SSU72: variants seen among roughly 807,000 people sequenced by gnomAD.
SSU72 encodes SSU72 homolog, RNA polymerase II CTD phosphatase.
In SSU72, 12 loss-of-function variants were observed where a neutral mutation model predicts 22.7. The observed-to-expected ratio is 0.53, with a 90% CI of 0.34 to 0.86. The LOEUF (loss-of-function observed/expected upper bound fraction) is 0.86. Ranked by LOEUF, SSU72 falls within the 40% of genes least tolerant of loss-of-function variation. The pLI is 0.02. For missense variants in SSU72, 151 were observed against 249.8 expected, an observed-to-expected ratio of 0.60 and a Z score of 2.67; for synonymous variants, 116 against 98.3, an observed-to-expected ratio of 1.18 and a Z score of -1.06.
chr1:1,554,529 G>A lies in SSU72; in HGVS notation c.225-9527C>T, dbSNP rs542404771. Among the ~76,000 whole-genome samples, 1 of 152,148 alleles carries A rather than the reference G, an allele frequency of 6.6e-6. No individual in the cohort carries two copies. The highest frequency in any genetic ancestry group is 2.4e-5 in the African/African-American group (1 of 41,416). ...ACACAGCTCGGTTTTCCTTACCAAG[G>A]TTTTCTCTTTTCACTCCCTAGGGGC... On this transcript the variant is annotated intron_variant, in intron 2 of 4. Coordinates refer to ENST00000291386, the MANE Select transcript of SSU72 (RefSeq NM_014188.3). This position sits in a 1 kb window ranked among gnomAD's most constrained non-coding sequence, Gnocchi z 4.1.
intron 4 of SSU72, among the ~76,000 whole-genome samples, chr1:1,543,358 G>A (rs1036364919): frequency 5.9e-5 from 9 of 152,236 alleles, no homozygotes; most frequent in Non-Finnish European, 8.8e-5. Flanking sequence ...GGCTGTGTCC[G>A]CCACGGGGAA....
At chr1:1,555,549 G>A (rs1439766770) in intron 2 of SSU72, among the ~76,000 whole-genome samples, 1 of 152,214 alleles carries the variant, frequency 6.6e-6, no homozygotes. Flanking sequence ...AGCGTGGACG[G>A]CAGCTCCGTA....
Position 1,542,319 on chromosome 1 carries a change from G to GCTGT in SSU72, c.484-153_484-152insACAG, listed in dbSNP as rs1642332180. 1.4e-6 allele frequency: 1 copy of GCTGT among 719,318 alleles called. No homozygotes were observed. Among genetic ancestry groups the GCTGT allele is most frequent in the Admixed American group, 2.5e-5 (1 of 39,488 alleles). 44.6% of individuals were successfully genotyped at this position (719,318 alleles called of 1,614,324 possible). A position where few individuals can be genotyped will look rare whatever the true frequency, so the allele number is the denominator to read the frequency against. On this transcript the variant is annotated intron_variant, in intron 4 of 4. Transcript: ENST00000291386. The surrounding 1 kb of genome is among the most constrained non-coding windows in gnomAD (Gnocchi z 4.4). The stretch of plus-strand genomic sequence containing the variant: ...CCCACCGCTGCTGCCTCACAAGGAC[G>GCTGT]GCCGGAGGCTGCAGGGGGAGAGCGT...
At chr1:1,564,714 G>C in intron 2 of SSU72, 59 bp downstream of exon 2, 1 of 1,614,220 alleles carries the variant, frequency 6.2e-7, no homozygotes, top group Non-Finnish European at 8.5e-7. Flanking sequence ...CGAGCCACAC[G>C]TAACACCTTC....
Position 1,542,877 on chromosome 1 carries a change from G to A in SSU72, c.484-710C>T, listed in dbSNP as rs1318707047. On this transcript the variant is annotated intron_variant, in intron 4 of 4. Transcript: ENST00000291386. The surrounding 1 kb of genome is among the most constrained non-coding windows in gnomAD (Gnocchi z 4.4). ...GCAGCCACACTGGACCGTGAGGCAC[G>A]TGGGGACCAGAAGCCATGCTGGGTG... Among the ~76,000 whole-genome samples, 2 of 152,228 alleles carry A rather than the reference G, an allele frequency of 1.3e-5. No homozygotes were observed. Among genetic ancestry groups the A allele is most frequent in the African/African-American group, 4.8e-5 (2 of 41,460 alleles).
At chr1:1,572,289 G>A (rs1238479287) in intron 1 of SSU72, among the ~76,000 whole-genome samples, 1 of 141,226 alleles carries the variant, frequency 7.1e-6, no homozygotes, top group African/African-American at 2.6e-5. Flanking sequence ...TTAGCCGGGC[G>A]TGGTGGCGGG....
At position 1,574,583 on chromosome 1, in the gene SSU72, C is replaced by T. The variant is rs1243958974; in HGVS notation, c.-26G>A. On this transcript the variant is annotated 5_prime_UTR_variant, in exon 1 of 5. Transcript: ENST00000291386. ...GGCGGCGGCCGCAAATCCCGCGGCT[C>T]TCCCGCTTGGGTTCCCACCCTACCG... 1.1e-5 allele frequency: 17 copies of T among 1,576,900 alleles called. No homozygotes were observed. The highest frequency in any genetic ancestry group is 1.5e-5 in the Non-Finnish European group (17 of 1,164,888).
intron 2 of SSU72, 81 bp downstream of exon 2, chr1:1,564,692 G>A (rs1557504389): frequency 7.4e-6 from 12 of 1,614,090 alleles, no homozygotes; most frequent in East Asian, 4.5e-5. Flanking sequence ...AGGGTGACAC[G>A]CCTCCTGTGC....
intron 2 of SSU72, among the ~76,000 whole-genome samples, chr1:1,559,541 C>T (rs892809972): frequency 2.0e-5 from 3 of 152,186 alleles, no homozygotes; most frequent in African/African-American, 7.2e-5. Flanking sequence ...CTACAAAGGT[C>T]AGGGGAGCTT....
intron 2 of SSU72, among the ~76,000 whole-genome samples, chr1:1,549,007 A>G (rs1424816630): frequency 6.6e-6 from 1 of 152,070 alleles, no homozygotes; most frequent in Non-Finnish European, 1.5e-5. Flanking sequence ...GGGCTGTGAC[A>G]CATACCTGTG....
chr1:1,551,175 A>C (rs1642451560), intron 2 of SSU72, among the ~76,000 whole-genome samples: 1 of 152,230 alleles, frequency 6.6e-6, no homozygotes, highest in African/African-American at 2.4e-5. Context: ...GGCAGAAACA[A>C]GGCTGCAGTC....
chr1:1,564,526 T>C, intron 2 of SSU72: 1 of 1,537,354 alleles, frequency 6.5e-7, no homozygotes, highest in Non-Finnish European at 8.8e-7. Context: ...GACCCTCTGC[T>C]GAACCACGTC....
intron 2 of SSU72, chr1:1,564,281 A>G: frequency 1.9e-6 from 1 of 520,342 alleles, no homozygotes; most frequent in Non-Finnish European, 3.3e-6. Context: ...GTTCTCTCCC[A>G]TTATTTCTTC....
In SSU72 at chr1:1,574,639, G is replaced by A. The variant is rs1432925562; in HGVS notation, c.-82C>T. On this transcript the variant is annotated 5_prime_UTR_variant, in exon 1 of 5. Transcript: ENST00000291386. Reference sequence around the variant, plus strand: ...CTTCCGCGCGAACAAAATGGCGGCCGCGGTGGCCGGAAGCGGGCGACGCGA... The same window carrying A: ...CTTCCGCGCGAACAAAATGGCGGCCACGGTGGCCGGAAGCGGGCGACGCGA... 2.2e-6 allele frequency: 3 copies of A among 1,377,298 alleles called. No individual in the cohort carries two copies. Among genetic ancestry groups the A allele is most frequent in the African/African-American group, 1.9e-5 (1 of 52,892 alleles). 85.3% of individuals were successfully genotyped at this position (1,377,298 alleles called of 1,614,324 possible).
intron 1 of SSU72, among the ~76,000 whole-genome samples, chr1:1,567,319 T>A (rs779830842): frequency 1.3e-5 from 2 of 151,846 alleles, no homozygotes; most frequent in Non-Finnish European, 2.9e-5. Flanking sequence ...AGTCCTTACA[T>A]CCCTAGATAT....
chr1:1,542,529 CG>C lies in SSU72; in HGVS notation c.484-363del, dbSNP rs1406180448. Among the ~76,000 whole-genome samples the C allele has an allele frequency of 6.6e-6, 1 of 152,132 alleles. No individual in the cohort carries two copies. Among genetic ancestry groups the C allele is most frequent in the Non-Finnish European group, 1.5e-5 (1 of 68,026 alleles). On this transcript the variant is annotated intron_variant, in intron 4 of 4. Coordinates refer to ENST00000291386, the MANE Select transcript of SSU72 (RefSeq NM_014188.3). The surrounding 1 kb of genome is among the most constrained non-coding windows in gnomAD (Gnocchi z 4.4). ...CCAGCGCTTCCACACCACCAACAAG[CG>C]AGCGGGGGCAGCCTGGTCATCGGAG...
At chr1:1,574,039 A>T (rs1642773476) in intron 1 of SSU72, among the ~76,000 whole-genome samples, 1 of 151,028 alleles carries the variant, frequency 6.6e-6, no homozygotes, top group Admixed American at 6.6e-5. Context: ...AAAAAAGAAG[A>T]AGAAGTAGCA....
chr1:1,574,644 G>T lies in SSU72; in HGVS notation c.-87C>A. On this transcript the variant is annotated 5_prime_UTR_variant, in exon 1 of 5. Coordinates refer to ENST00000291386, the MANE Select transcript of SSU72 (RefSeq NM_014188.3). Reference sequence around the variant, plus strand: ...GCGCGAACAAAATGGCGGCCGCGGTGGCCGGAAGCGGGCGACGCGAAACGA... The same window carrying T: ...GCGCGAACAAAATGGCGGCCGCGGTTGCCGGAAGCGGGCGACGCGAAACGA... The T allele has an allele frequency of 7.6e-7, 1 of 1,309,036 alleles. No individual in the cohort carries two copies. Among genetic ancestry groups the T allele is most frequent in the Non-Finnish European group, 1.0e-6 (1 of 1,000,768 alleles). 81.1% of individuals were successfully genotyped at this position (1,309,036 alleles called of 1,614,324 possible). A position where few individuals can be genotyped will look rare whatever the true frequency, so the allele number is the denominator to read the frequency against.
intron 1 of SSU72, among the ~76,000 whole-genome samples, chr1:1,569,496 G>T (rs762896864): frequency 2.0e-5 from 3 of 152,172 alleles, no homozygotes; most frequent in African/African-American, 4.8e-5. Context: ...AATTGTTACT[G>T]TGTCTGTTTT....
Sources: allele counts gnomAD v4.1 joint callset (sites outside exome capture counted in the v4.1 genomes callset), GRCh38; gene constraint gnomAD v4.1.1; non-coding constraint Gnocchi (gnomAD v3.1); transcripts MANE v1.5; gene names NCBI Gene and HGNC (gene_info 2026-07-23, HGNC 2026-07-21).